ENPP6: variants seen among roughly 807,000 people sequenced by gnomAD.
ENPP6 encodes glycerophosphocholine cholinephosphodiesterase ENPP6.
ENPP6 carries 32 observed loss-of-function variants against 42.0 expected under a neutral mutation model. The observed-to-expected ratio is 0.76, with a 90% confidence interval of 0.58 to 1.02. ENPP6 has a LOEUF of 1.02. Among genes scored for constraint, ENPP6 ranks in the 50% least tolerant of loss-of-function variants. The probability of loss-of-function intolerance (pLI) is 0.00; values close to 1 mark genes in which losing one functional copy is unlikely to be tolerated. For synonymous variants in ENPP6, 213 were observed against 216.0 expected (o/e 0.99, Z 0.12); for missense variants, 552 against 566.8 (o/e 0.97, Z 0.27).
At chr4:184,174,135 CTTTTTTTT>C (rs36058407) in intron 1 of ENPP6, among the ~76,000 whole-genome samples, 1 of 130,992 alleles carries the variant, frequency 7.6e-6, no homozygotes, top group African/African-American at 2.9e-5. Context: ...GTCCCAAATC[CTTTTTTTT>C]TTTTTTTTTT....
rs529481461 is a variant in ENPP6 at position 184,117,102 on chromosome 4, T to C, written c.676-67A>G. 16 of 1,569,690 alleles carry C rather than the reference T, an allele frequency of 1.0e-5. No individual in the cohort carries two copies. In the African/African-American group the frequency reaches 1.9e-4, roughly 19 times the overall value. On this transcript the variant is annotated intron_variant, in intron 4 of 7. Transcript: ENST00000296741. ...AGGCTCGTGCACTCAGAAAACCTTG[T>C]CAACTACAAATGATAGGAGAAAGGC...
intron 2 of ENPP6, among the ~76,000 whole-genome samples, chr4:184,139,006 G>A (rs1468009335): frequency 6.6e-6 from 1 of 152,242 alleles, no homozygotes; most frequent in Non-Finnish European, 1.5e-5. Flanking sequence ...CATCAGAGGT[G>A]CTCTGACTGC....
At chr4:184,145,948 A>G (rs1736910646) in intron 2 of ENPP6, among the ~76,000 whole-genome samples, 1 of 152,170 alleles carries the variant, frequency 6.6e-6, no homozygotes, top group Admixed American at 6.5e-5. Context: ...TTTGGTTAGC[A>G]CACCAGTTTG....
chr4:184,106,001 G>C (rs935712432), intron 6 of ENPP6, among the ~76,000 whole-genome samples: 2 of 151,328 alleles, frequency 1.3e-5, no homozygotes, highest in Non-Finnish European at 2.9e-5. Context: ...AAAATTCCCT[G>C]TGGTTTCCCA....
chr4:184,168,128 G>C (rs929832433), intron 1 of ENPP6, among the ~76,000 whole-genome samples: 1 of 152,144 alleles, frequency 6.6e-6, no homozygotes, highest in Non-Finnish European at 1.5e-5. Context: ...CAGCAAACCA[G>C]AGTTCAAATC....
chr4:184,145,783 T>A (rs890115812), intron 2 of ENPP6, among the ~76,000 whole-genome samples: 1 of 152,338 alleles, frequency 6.6e-6, no homozygotes, highest in South Asian at 2.1e-4. Flanking sequence ...TGAGGGCAAG[T>A]GAATGCAGTT....
chr4:184,131,259 TCTTCCTTC>T (rs779153660), intron 2 of ENPP6, among the ~76,000 whole-genome samples: 47 of 73,344 alleles, frequency 6.4e-4, no homozygotes, highest in African/African-American at 2.2e-3. Context: ...TTTCTCTTTC[TCTTCCTTC>T]CTTCCTTCCT....
At chr4:184,216,293 G>GT (rs145121476) in intron 1 of ENPP6, among the ~76,000 whole-genome samples, 1 of 152,138 alleles carries the variant, frequency 6.6e-6, no homozygotes, top group Non-Finnish European at 1.5e-5. Context: ...CTTAGAGACT[G>GT]TTTTTTTGTC....
chr4:184,176,168 G>A (rs1737558913), intron 1 of ENPP6, among the ~76,000 whole-genome samples: 1 of 152,104 alleles, frequency 6.6e-6, no homozygotes, highest in East Asian at 1.9e-4. Context: ...ATATCCCAAG[G>A]TCTTGTAGTT....
intron 2 of ENPP6, among the ~76,000 whole-genome samples, chr4:184,148,687 A>G (rs765364654): frequency 5.9e-5 from 9 of 152,244 alleles, no homozygotes; most frequent in Non-Finnish European, 1.0e-4. Flanking sequence ...TTCAACCCAA[A>G]GAGGCTTACA....
Position 184,153,628 on chromosome 4 carries a change from C to A in ENPP6, c.347G>T (p.Trp116Leu). Residue 116 changes from tryptophan to leucine, a missense_variant, in exon 2 of 8, where the codon TGG becomes TTG. This residue lies in a region of ENPP6 where 545 missense variants were observed against 546.3 expected (regional missense o/e 1.00). Coordinates refer to ENST00000296741, the MANE Select transcript of ENPP6 (RefSeq NM_153343.4). Reference sequence around the variant, plus strand: ...CCACAGAGGTTCTGATCCATTCCACCAGAGAGGCATTAGGCTGTCTTTGTT... The same window carrying A: ...CCACAGAGGTTCTGATCCATTCCACAAGAGAGGCATTAGGCTGTCTTTGTT... ...GVNKDSLMPLWWNGSEPLWVT... is the reference protein window; with the variant it reads ...GVNKDSLMPLLWNGSEPLWVT... The A allele has an allele frequency of 6.2e-7, 1 of 1,614,120 alleles. No homozygotes were observed. Among genetic ancestry groups the A allele is most frequent in the Non-Finnish European group, 8.5e-7 (1 of 1,180,032 alleles).
chr4:184,175,493 T>G (rs895979538), intron 1 of ENPP6, among the ~76,000 whole-genome samples: 3 of 152,272 alleles, frequency 2.0e-5, no homozygotes, highest in Middle Eastern at 3.4e-3. Context: ...TCATGGCAGA[T>G]TCTATGGCAG....
At chr4:184,209,140 AC>A (rs1733065988) in intron 1 of ENPP6, among the ~76,000 whole-genome samples, 1 of 151,284 alleles carries the variant, frequency 6.6e-6, no homozygotes, top group South Asian at 2.1e-4. Flanking sequence ...TGGGGAAAAA[AC>A]AGAACAGAAA....
At chr4:184,206,413 A>T (rs1461766603) in intron 1 of ENPP6, among the ~76,000 whole-genome samples, 1 of 106,134 alleles carries the variant, frequency 9.4e-6, no homozygotes, top group East Asian at 5.8e-4. Flanking sequence ...GGGCGCCACC[A>T]GGCCCGGCTA....
At chr4:184,208,448 T>G (rs1443610611) in intron 1 of ENPP6, among the ~76,000 whole-genome samples, 1 of 151,662 alleles carries the variant, frequency 6.6e-6, no homozygotes, top group South Asian at 2.1e-4. Context: ...GGTCAGGGAG[T>G]TCCCTTTCCG....
At chr4:184,131,201 C>CTTT (rs376993212) in intron 2 of ENPP6, among the ~76,000 whole-genome samples, 14,966 of 70,328 alleles carry the variant, frequency 0.21, 1,769 homozygotes, top group African/African-American at 0.24. Flanking sequence ...TTCTTTCTTT[C>CTTT]TTCTTTCTTT....
intron 2 of ENPP6, among the ~76,000 whole-genome samples, chr4:184,127,733 G>T (rs1736527442): frequency 6.6e-6 from 1 of 152,096 alleles, no homozygotes; most frequent in East Asian, 1.9e-4. Context: ...CTCCAGCCTG[G>T]GTAACAAGAG....
chr4:184,116,756 A>G (rs186568473), intron 5 of ENPP6, 100 bp downstream of exon 5: 5 of 1,476,412 alleles, frequency 3.4e-6, no homozygotes, highest in African/African-American at 2.8e-5. Context: ...AAACACACAC[A>G]CACAAAACAA....
chr4:184,130,215 A>G (rs1736571883), intron 2 of ENPP6, among the ~76,000 whole-genome samples: 1 of 152,124 alleles, frequency 6.6e-6, no homozygotes. Flanking sequence ...ACTATAGGGC[A>G]ACAAGCATGA....
Sources: allele counts gnomAD v4.1 joint callset (sites outside exome capture counted in the v4.1 genomes callset), GRCh38; gene constraint gnomAD v4.1.1; regional missense constraint gnomAD v4.1.1; transcripts MANE v1.5; gene names NCBI Gene and HGNC (gene_info 2026-07-23, HGNC 2026-07-21).